KIF6: variants seen among roughly 807,000 people sequenced by gnomAD.
The protein encoded by KIF6 is kinesin family member 6.
Under a neutral mutation model 112.7 loss-of-function variants are expected in KIF6, and 106 were observed. That is an observed-to-expected ratio of 0.94 (90% CI 0.80 to 1.11). The LOEUF (loss-of-function observed/expected upper bound fraction) is 1.11. Ranked by LOEUF, KIF6 falls within the 50% of genes least tolerant of loss-of-function variation. The pLI, the probability that KIF6 is intolerant of heterozygous loss-of-function variation, is 0.00. For synonymous variants in KIF6, 339 were observed against 339.9 expected, an observed-to-expected ratio of 1.00 and a Z score of 0.03; for missense variants, 929 against 964.0, an observed-to-expected ratio of 0.96 and a Z score of 0.48.
At position 39,590,872 on chromosome 6, in the gene KIF6, G is replaced by A. The variant is rs113632062; in HGVS notation, c.847-4468C>T. 1.9e-3 allele frequency among the ~76,000 whole-genome samples: 295 copies of A among 152,274 alleles called. 1 individual carries two copies. Among genetic ancestry groups the A allele is most frequent in the African/African-American group, 6.9e-3 (286 of 41,564 alleles). ...TTTATTGGTTCATGTGATTGAAACA[G>A]GAAAGGCTTTAGATTAGAAGGAAAC... On this transcript the variant is annotated intron_variant, in intron 7 of 22. Coordinates refer to ENST00000287152, the MANE Select transcript of KIF6 (RefSeq NM_145027.6).
intron 3 of KIF6, among the ~76,000 whole-genome samples, chr6:39,688,913 G>T (rs10947831): frequency 1.3e-5 from 2 of 151,962 alleles, no homozygotes; most frequent in Non-Finnish European, 2.9e-5. Context: ...ATCCAGCCTG[G>T]GTAGCATAGT....
Position 39,333,867 on chromosome 6 carries a change from A to T in KIF6, c.*2665T>A, listed in dbSNP as rs971570041. ...TGCTTTCCAGAAAATGTTTTTGAAA[A>T]TCCCACATTTTGGCCTAGAGTGAAC... On this transcript the variant is annotated 3_prime_UTR_variant, in exon 23 of 23. Transcript: ENST00000287152. 1 of 152,316 alleles carries T rather than the reference A, an allele frequency of 6.6e-6. No individual in the cohort carries two copies. The allele number at this position is 152,316 out of a possible 1,614,324, so 9.4% of individuals were successfully genotyped here. A position where few individuals can be genotyped will look rare whatever the true frequency, so the allele number is the denominator to read the frequency against.
intron 2 of KIF6, 25 bp downstream of exon 2, chr6:39,720,677 G>T: frequency 8.4e-7 from 1 of 1,184,908 alleles, no homozygotes; most frequent in Non-Finnish European, 1.3e-6. Context: ...AAACAGAAAT[G>T]AAAAAAGGAG....
At chr6:39,551,981 T>C (rs1011151015) in intron 10 of KIF6, among the ~76,000 whole-genome samples, 6 of 152,254 alleles carry the variant, frequency 3.9e-5, no homozygotes, top group African/African-American at 1.4e-4. Context: ...TATGAGACTT[T>C]TGAAAATATA....
chr6:39,714,579 C>T, intron 3 of KIF6, 113 bp downstream of exon 3: 1 of 683,218 alleles, frequency 1.5e-6, no homozygotes, highest in Non-Finnish European at 2.6e-6. Context: ...CATTACATGT[C>T]CTGCAGCCTA....
intron 3 of KIF6, among the ~76,000 whole-genome samples, chr6:39,704,887 G>T (rs1412935944): frequency 2.0e-5 from 3 of 152,196 alleles, no homozygotes; most frequent in African/African-American, 7.2e-5. Context: ...TAACTATAGT[G>T]CTTTAAATCA....
chr6:39,582,941 C>T (rs1182840681), intron 9 of KIF6, among the ~76,000 whole-genome samples: 1 of 152,158 alleles, frequency 6.6e-6, no homozygotes, highest in Non-Finnish European at 1.5e-5. Context: ...GACCAGGAAA[C>T]AACACTTGTC....
chr6:39,407,661 T>C (rs575839368), intron 15 of KIF6, among the ~76,000 whole-genome samples: 3 of 152,210 alleles, frequency 2.0e-5, no homozygotes, highest in Non-Finnish European at 4.4e-5. Flanking sequence ...CTTTACCTCA[T>C]TACGAAACAT....
Position 39,343,339 on chromosome 6 carries a change from A to T in KIF6, c.2428+370T>A. 2 of 1,300,866 alleles carry T rather than the reference A, an allele frequency of 1.5e-6. No homozygotes were observed. Among genetic ancestry groups the T allele is most frequent in the South Asian group, 1.2e-5 (1 of 81,116 alleles). 80.6% of individuals were successfully genotyped at this position (1,300,866 alleles called of 1,614,324 possible). On this transcript the variant is annotated intron_variant, in intron 22 of 22. Coordinates refer to ENST00000287152, the MANE Select transcript of KIF6 (RefSeq NM_145027.6). The surrounding 1 kb of genome is among the most constrained non-coding windows in gnomAD (Gnocchi z 4.1). ...AGTGAGACTTTAAGCCAGGGGTTCA[A>T]CGAGTTACCAAAACATCACTCAGCC...
chr6:39,484,546 A>C (rs1174515139), intron 13 of KIF6, among the ~76,000 whole-genome samples: 1 of 152,184 alleles, frequency 6.6e-6, no homozygotes, highest in Non-Finnish European at 1.5e-5. Flanking sequence ...AGATGGAGTA[A>C]AAGAAGAAGC....
At chr6:39,679,857 T>G (rs1310575704) in intron 3 of KIF6, among the ~76,000 whole-genome samples, 1 of 151,748 alleles carries the variant, frequency 6.6e-6, no homozygotes, top group Non-Finnish European at 1.5e-5. Flanking sequence ...GACCTCGTGA[T>G]CCGCCCACCT....
intron 13 of KIF6, among the ~76,000 whole-genome samples, chr6:39,535,444 C>T (rs1778363137): frequency 6.6e-6 from 1 of 151,962 alleles, no homozygotes; most frequent in South Asian, 2.1e-4. Flanking sequence ...TTTAAACCAA[C>T]AAAGATCAAA....
intron 3 of KIF6, among the ~76,000 whole-genome samples, chr6:39,711,886 T>C (rs551507921): frequency 2.6e-5 from 4 of 152,188 alleles, no homozygotes; most frequent in African/African-American, 9.6e-5. Flanking sequence ...CATTCTTGAC[T>C]AGAGAAAAGA....
chr6:39,534,083 A>C (rs1167257373), intron 13 of KIF6, among the ~76,000 whole-genome samples: 9 of 152,196 alleles, frequency 5.9e-5, no homozygotes, highest in Admixed American at 5.9e-4. Flanking sequence ...ATCAAAGACC[A>C]AAAGTAGATA....
intron 15 of KIF6, among the ~76,000 whole-genome samples, chr6:39,397,501 G>T (rs891087925): frequency 2.0e-5 from 3 of 151,898 alleles, no homozygotes; most frequent in Non-Finnish European, 4.4e-5. Context: ...TGCTTTTCAG[G>T]AGTGACATAT....
At chr6:39,539,544 C>T (rs1319039452) in intron 13 of KIF6, among the ~76,000 whole-genome samples, 1 of 152,118 alleles carries the variant, frequency 6.6e-6, no homozygotes, top group Non-Finnish European at 1.5e-5. Flanking sequence ...AGGGTTTCAC[C>T]ATATTGGCCA....
intron 6 of KIF6, among the ~76,000 whole-genome samples, chr6:39,598,155 C>A (rs1229849713): frequency 6.6e-6 from 1 of 151,998 alleles, no homozygotes; most frequent in African/African-American, 2.4e-5. Flanking sequence ...CCACTGCATT[C>A]CAGCGTGGGT....
intron 16 of KIF6, among the ~76,000 whole-genome samples, chr6:39,380,021 C>A (rs1766785403): frequency 6.6e-6 from 1 of 152,206 alleles, no homozygotes; most frequent in African/African-American, 2.4e-5. Flanking sequence ...GTAAAGTACT[C>A]AAGAAACATT....
chr6:39,359,305 T>C (rs1316961108), intron 18 of KIF6, among the ~76,000 whole-genome samples: 2 of 152,240 alleles, frequency 1.3e-5, no homozygotes, highest in Non-Finnish European at 2.9e-5. Flanking sequence ...TGGGATTTTG[T>C]GCTAACACTT....
Sources: gnomAD v4.1 joint callset for allele counts (sites outside exome capture counted in the v4.1 genomes callset) on GRCh38, gnomAD v4.1.1 for gene constraint, Gnocchi (gnomAD v3.1) non-coding constraint, MANE v1.5 for transcripts, NCBI Gene and HGNC (gene_info 2026-07-23, HGNC 2026-07-21) for gene names.